Variants in ADCY2 observed in about 807,000 individuals in gnomAD.
ADCY2 encodes the protein adenylate cyclase type 2.
A neutral mutation model predicts 125.2 loss-of-function variants in ADCY2; 31 were observed. That is an observed-to-expected ratio of 0.25 (90% CI 0.19 to 0.33). The LOEUF (loss-of-function observed/expected upper bound fraction) is 0.33, where lower values mean the gene tolerates loss of function less well. Ranked by LOEUF, ADCY2 falls within the 10% of genes least tolerant of loss-of-function variation. The probability of loss-of-function intolerance (pLI) is 1.00; values close to 1 mark genes in which losing one functional copy is unlikely to be tolerated. For synonymous variants in ADCY2, 512 were observed against 548.4 expected (o/e 0.93, Z 0.93); for missense variants, 904 against 1,418.2 (o/e 0.64, Z 5.82).
rs1264086126 is a variant in ADCY2, at chr5:7,802,639, A to G, written c.2775+275A>G. On this transcript the variant is annotated intron_variant, in intron 21 of 24. Transcript: ENST00000338316. The surrounding 1 kb of genome is among the most constrained non-coding windows in gnomAD (Gnocchi z 4.6). ...TCCAGTGTGCTAGTGGATTCTTTAC[A>G]AAGGCTTGAATTCGCGGTAAAATAC... 6.6e-6 allele frequency among the ~76,000 whole-genome samples: 1 copy of G among 152,236 alleles called. No individual in the cohort carries two copies. Among genetic ancestry groups the G allele is most frequent in the Non-Finnish European group, 1.5e-5 (1 of 68,048 alleles).
At chr5:7,741,793 C>G (rs1185037311) in intron 14 of ADCY2, among the ~76,000 whole-genome samples, 47 of 18,722 alleles carry the variant, frequency 2.5e-3, no homozygotes, top group Middle Eastern at 0.023. Flanking sequence ...ATCCCTATCA[C>G]CATCACCCAT....
chr5:7,417,736 G>A (rs952877609), intron 2 of ADCY2, among the ~76,000 whole-genome samples: 2 of 152,228 alleles, frequency 1.3e-5, no homozygotes, highest in African/African-American at 2.4e-5. Context: ...TGTTTCCATG[G>A]CACTTAGGGC....
intron 2 of ADCY2, among the ~76,000 whole-genome samples, chr5:7,445,104 G>T (rs1741191385): frequency 6.6e-6 from 1 of 152,156 alleles, no homozygotes; most frequent in South Asian, 2.1e-4. Flanking sequence ...TTTTTATGTA[G>T]TTAAGTAGAT....
intron 4 of ADCY2, among the ~76,000 whole-genome samples, chr5:7,690,078 CTCATATGTTA>C (rs1313593363): frequency 1.3e-5 from 2 of 152,138 alleles, no homozygotes; most frequent in Non-Finnish European, 2.9e-5. Flanking sequence ...ACTCAAAAAG[CTCATATGTTA>C]TCATTTCCTT....
At chr5:7,581,610 G>A (rs897727854) in intron 3 of ADCY2, among the ~76,000 whole-genome samples, 1 of 151,962 alleles carries the variant, frequency 6.6e-6, no homozygotes, top group East Asian at 1.9e-4. Flanking sequence ...ACGAGGTCAA[G>A]AGATCAAGAC....
chr5:7,510,784 A>G (rs910709433), intron 2 of ADCY2, among the ~76,000 whole-genome samples: 3 of 152,178 alleles, frequency 2.0e-5, no homozygotes, highest in African/African-American at 7.2e-5. Flanking sequence ...AGTTGATTTA[A>G]TTTTCATTAC....
At chr5:7,407,782 C>T (rs1016900659) in intron 1 of ADCY2, among the ~76,000 whole-genome samples, 12 of 151,728 alleles carry the variant, frequency 7.9e-5, no homozygotes, top group African/African-American at 2.9e-4. Flanking sequence ...GAGTGTCCAT[C>T]GTCATGTCTG....
At chr5:7,717,326 A>G in intron 12 of ADCY2, 89 bp downstream of exon 12, 1 of 830,262 alleles carries the variant, frequency 1.2e-6, no homozygotes, top group Non-Finnish European at 1.9e-6. Context: ...TTACCATGAC[A>G]AAGCCAAGTT....
chr5:7,494,669 C>G (rs752942738), intron 2 of ADCY2, among the ~76,000 whole-genome samples: 1 of 152,068 alleles, frequency 6.6e-6, no homozygotes, highest in African/African-American at 2.4e-5. Flanking sequence ...TTAGTGGTTA[C>G]GGAGGCAGAG....
rs1422942101 is a variant in ADCY2, at chr5:7,567,932, TC to T, written c.570+47034del. 1.4e-3 allele frequency among the ~76,000 whole-genome samples: 5 copies of T among 3,658 alleles called. No homozygotes were observed. In the Non-Finnish European group the frequency reaches 0.054, roughly 40 times the overall value. 2.4% of individuals were successfully genotyped at this position (3,658 alleles called of 152,430 possible). A position where few individuals can be genotyped will look rare whatever the true frequency, so the allele number is the denominator to read the frequency against. On this transcript the variant is annotated intron_variant, in intron 3 of 24. Coordinates refer to ENST00000338316, the MANE Select transcript of ADCY2 (RefSeq NM_020546.3). ...AAAGTGCTCTGTCGTCCTCTCTTTC[TC>T]TCTCTCTCTCTCTCTCTCTCTCTCT...
chr5:7,770,701 G>C (rs910793861), intron 17 of ADCY2, among the ~76,000 whole-genome samples: 1 of 152,158 alleles, frequency 6.6e-6, no homozygotes, highest in Non-Finnish European at 1.5e-5. Flanking sequence ...CACTGAATAA[G>C]AGCCTTGCCC....
chr5:7,789,518 A>C, intron 19 of ADCY2, 124 bp from the exon 20 acceptor site: 1 of 897,068 alleles, frequency 1.1e-6, no homozygotes, highest in Non-Finnish European at 1.7e-6. Context: ...GGGAGGGTGG[A>C]AGTTCTGTTT....
chr5:7,669,505 C>T (rs1405457315), intron 4 of ADCY2, among the ~76,000 whole-genome samples: 4 of 152,128 alleles, frequency 2.6e-5, no homozygotes, highest in African/African-American at 4.8e-5. Flanking sequence ...AAGGAATTTA[C>T]GTTTTACCAT....
chr5:7,782,964 ACCT>A (rs760419993), intron 18 of ADCY2, among the ~76,000 whole-genome samples: 2 of 152,074 alleles, frequency 1.3e-5, no homozygotes, highest in African/African-American at 2.4e-5. Flanking sequence ...AGAAATGGTG[ACCT>A]CCTTAAGTTT....
At chr5:7,725,881 A>G (rs1028463393) in intron 13 of ADCY2, among the ~76,000 whole-genome samples, 3 of 152,224 alleles carry the variant, frequency 2.0e-5, no homozygotes, top group African/African-American at 7.2e-5. Context: ...ATCATTTAAA[A>G]ATGCAGCTTT....
chr5:7,792,752 T>C (rs1744293783), intron 20 of ADCY2, among the ~76,000 whole-genome samples: 1 of 152,222 alleles, frequency 6.6e-6, no homozygotes, highest in Admixed American at 6.5e-5. Flanking sequence ...GCCTCAAATC[T>C]TACTCCCAAC....
chr5:7,740,230 GA>G (rs1424702463), intron 14 of ADCY2, among the ~76,000 whole-genome samples: 1 of 151,774 alleles, frequency 6.6e-6, no homozygotes, highest in Non-Finnish European at 1.5e-5. Flanking sequence ...TGACAATAAA[GA>G]ATTCAAATGA....
chr5:7,528,895 A>G (rs1439654845), intron 3 of ADCY2, among the ~76,000 whole-genome samples: 2 of 152,210 alleles, frequency 1.3e-5, no homozygotes, highest in African/African-American at 2.4e-5. Flanking sequence ...ACCACCAGTA[A>G]TCAATCTTTG....
chr5:7,621,412 T>G (rs895973319), intron 3 of ADCY2, among the ~76,000 whole-genome samples: 42 of 152,238 alleles, frequency 2.8e-4, no homozygotes, highest in African/African-American at 1.2e-4. Flanking sequence ...TCTTTAGAAA[T>G]TCCTCAAAAA....
Sources: allele counts gnomAD v4.1 joint callset (sites outside exome capture counted in the v4.1 genomes callset), GRCh38; gene constraint gnomAD v4.1.1; non-coding constraint Gnocchi (gnomAD v3.1); transcripts MANE v1.5; gene names NCBI Gene and HGNC (gene_info 2026-07-23, HGNC 2026-07-21).